The following MLLT10 variants were observed in gnomAD, a reference collection of about 807,000 sequenced individuals.
MLLT10 encodes the protein MLLT10 histone lysine methyltransferase DOT1L cofactor.
In MLLT10, 30 loss-of-function variants were observed where a neutral mutation model predicts 129.1. The ratio of observed to expected loss-of-function variants is 0.23; its 90% CI spans 0.17 to 0.32. MLLT10 has a LOEUF of 0.32. Among genes scored for constraint, MLLT10 ranks in the 10% least tolerant of loss-of-function variants. The pLI, the probability that MLLT10 is intolerant of heterozygous loss-of-function variation, is 1.00. For synonymous variants in MLLT10, 490 were observed against 446.4 expected, an observed-to-expected ratio of 1.10 and a Z score of -1.23; for missense variants, 1,119 against 1,268.3, an observed-to-expected ratio of 0.88 and a Z score of 1.79.
At chr10:21,545,426 A>T (rs528113860) in intron 3 of MLLT10, among the ~76,000 whole-genome samples, 1 of 152,254 alleles carries the variant, frequency 6.6e-6, no homozygotes, top group African/African-American at 2.4e-5. Flanking sequence ...TGAAGGACTA[A>T]GAAAAGTTTT....
intron 3 of MLLT10, among the ~76,000 whole-genome samples, chr10:21,573,309 A>G (rs989122516): frequency 1.3e-5 from 2 of 152,100 alleles, no homozygotes; most frequent in African/African-American, 2.4e-5. Flanking sequence ...TATAGCTTTT[A>G]TTACTATTTA....
chr10:21,555,770 T>C (rs1249706173), intron 3 of MLLT10, among the ~76,000 whole-genome samples: 1 of 147,244 alleles, frequency 6.8e-6, no homozygotes, highest in African/African-American at 2.5e-5. Flanking sequence ...CGGGTTCAAG[T>C]GGTTCTTCTG....
At position 21,584,785 on chromosome 10, in the gene MLLT10, GTATA is replaced by G. The variant is rs549028914; in HGVS notation, c.241-1500_241-1497del. Among the ~76,000 whole-genome samples, 25 of 150,688 alleles carry G rather than the reference GTATA, an allele frequency of 1.7e-4. No individual in the cohort carries two copies. In the East Asian group the frequency reaches 3.9e-3, roughly 23 times the overall value. On this transcript the variant is annotated intron_variant, in intron 3 of 22. Coordinates refer to ENST00000307729, the MANE Select transcript of MLLT10 (RefSeq NM_001195626.3). ...ATATATAAAGTATGTGTGTATGTGT[GTATA>G]TATATATAATGTGTGTGTTTATATA...
intron 8 of MLLT10, among the ~76,000 whole-genome samples, chr10:21,628,996 C>G (rs1316057945): frequency 6.6e-6 from 1 of 152,014 alleles, no homozygotes; most frequent in African/African-American, 2.4e-5. Flanking sequence ...TGATTGCCCA[C>G]CTTGGCCTCC....
chr10:21,728,866 A>G (rs1443270892), intron 16 of MLLT10, among the ~76,000 whole-genome samples: 1 of 139,180 alleles, frequency 7.2e-6, no homozygotes, highest in Non-Finnish European at 1.6e-5. Flanking sequence ...CATGTCTACA[A>G]TTTTTTTTTT....
intron 10 of MLLT10, among the ~76,000 whole-genome samples, chr10:21,672,861 C>T (rs140492473): frequency 5.9e-5 from 9 of 152,212 alleles, no homozygotes; most frequent in African/African-American, 1.7e-4. Flanking sequence ...TTCTTAAGTT[C>T]TTATTGTATA....
intron 8 of MLLT10, among the ~76,000 whole-genome samples, chr10:21,636,483 TG>T (rs1444167297): frequency 6.6e-6 from 1 of 152,222 alleles, no homozygotes; most frequent in African/African-American, 2.4e-5. Context: ...TATATGTATA[TG>T]TCTTATTGTC....
chr10:21,723,846 T>C (rs2057299305), intron 14 of MLLT10, among the ~76,000 whole-genome samples: 1 of 152,220 alleles, frequency 6.6e-6, no homozygotes, highest in South Asian at 2.1e-4. Context: ...CAAAAGCTAT[T>C]TTTAAGTATT....
At chr10:21,542,923 A>G (rs1564373529) in intron 3 of MLLT10, among the ~76,000 whole-genome samples, 1 of 151,936 alleles carries the variant, frequency 6.6e-6, no homozygotes, top group Admixed American at 6.6e-5. Context: ...TTTTATTTTA[A>G]CATCATTTGG....
chr10:21,538,602 C>T (rs1361757290), intron 2 of MLLT10, among the ~76,000 whole-genome samples: 1 of 152,090 alleles, frequency 6.6e-6, no homozygotes, highest in African/African-American at 2.4e-5. Flanking sequence ...CCATTGCACC[C>T]AGCCTTGATT....
chr10:21,681,397 G>A (rs1211526200), intron 12 of MLLT10, 21 bp downstream of exon 12: 1 of 1,569,400 alleles, frequency 6.4e-7, no homozygotes, highest in Non-Finnish European at 8.8e-7. Context: ...AAACTGGGTT[G>A]ATAACCCGGG....
chr10:21,731,543 C>A (rs965852312), intron 17 of MLLT10, among the ~76,000 whole-genome samples: 2 of 152,108 alleles, frequency 1.3e-5, no homozygotes, highest in African/African-American at 4.8e-5. Context: ...TAGAAGAAAA[C>A]TTGCTCACCT....
At chr10:21,673,318 C>CTGTTT in intron 10 of MLLT10, 32 bp from the exon 11 acceptor site, 2 of 307,342 alleles carry the variant, frequency 6.5e-6, no homozygotes, top group Non-Finnish European at 1.0e-5. Context: ...CACCCCCCAA[C>CTGTTT]TTTTTTTTTT....
intron 5 of MLLT10, among the ~76,000 whole-genome samples, chr10:21,600,867 C>T (rs923468135): frequency 1.3e-5 from 2 of 152,152 alleles, no homozygotes; most frequent in South Asian, 4.1e-4. Flanking sequence ...TTCTCTTACA[C>T]TTGGTATTCT....
intron 13 of MLLT10, among the ~76,000 whole-genome samples, chr10:21,706,125 C>G (rs922554613): frequency 6.6e-6 from 1 of 152,164 alleles, no homozygotes; most frequent in Non-Finnish European, 1.5e-5. Flanking sequence ...ATTGTGGTTA[C>G]CTTCTAACTA....
At chr10:21,562,241 A>T (rs562153651) in intron 3 of MLLT10, among the ~76,000 whole-genome samples, 1 of 148,804 alleles carries the variant, frequency 6.7e-6, no homozygotes, top group Non-Finnish European at 1.5e-5. Flanking sequence ...TTTAGAACGT[A>T]TTTTTTTTTT....
chr10:21,620,548 A>T (rs1400177764), intron 8 of MLLT10, among the ~76,000 whole-genome samples: 3 of 152,210 alleles, frequency 2.0e-5, no homozygotes, highest in African/African-American at 7.2e-5. Flanking sequence ...GGTGAGGAGC[A>T]TCTGTATTGT....
At chr10:21,559,501 A>G (rs1383825228) in intron 3 of MLLT10, among the ~76,000 whole-genome samples, 2 of 152,212 alleles carry the variant, frequency 1.3e-5, no homozygotes, top group East Asian at 1.9e-4. Context: ...CATTTTAACC[A>G]TTTTTATGTA....
Position 21,612,338 on chromosome 10 carries a change from T to A in MLLT10, c.406-10T>A, listed in dbSNP as rs77223760. ...GTATGATTTTTGTCTTTTTTTTTTT[T>A]AACCCCAAGACTTGCTACATTTGTG... On this transcript the variant is annotated splice_polypyrimidine_tract_variant and intron_variant, in intron 5 of 22. Transcript: ENST00000307729. The A allele has an allele frequency of 4.6e-6, 7 of 1,534,764 alleles. No homozygotes were observed. The highest frequency in any genetic ancestry group is 5.3e-6 in the Non-Finnish European group (6 of 1,130,798).
Sources: allele counts gnomAD v4.1 joint callset (sites outside exome capture counted in the v4.1 genomes callset), GRCh38; gene constraint gnomAD v4.1.1; transcripts MANE v1.5; gene names NCBI Gene and HGNC (gene_info 2026-07-23, HGNC 2026-07-21).